Variants in CACNB2 observed in about 807,000 individuals in gnomAD.
The protein encoded by CACNB2 is voltage-dependent L-type calcium channel subunit beta-2.
In CACNB2, 42 loss-of-function variants were observed where a neutral mutation model predicts 73.3. The ratio of observed to expected loss-of-function variants is 0.57; its 90% CI spans 0.45 to 0.74. The LOEUF (loss-of-function observed/expected upper bound fraction) is 0.74, where lower values mean the gene tolerates loss of function less well. CACNB2 is among the 30% of genes least tolerant of loss of function. CACNB2 has a pLI of 0.00. For missense variants in CACNB2, 940 were observed against 853.0 expected (o/e 1.10, Z -1.27); for synonymous variants, 348 against 310.3 (o/e 1.12, Z -1.28).
chr10:18,376,106 CAGATGAATGGATAAAG>C (rs1289859457), intron 2 of CACNB2, among the ~76,000 whole-genome samples: 1 of 152,060 alleles, frequency 6.6e-6, no homozygotes, highest in Admixed American at 6.5e-5. Flanking sequence ...TGTCCATCAG[CAGATGAATGGATAAAG>C]AAAATGTGGT....
intron 10 of CACNB2, among the ~76,000 whole-genome samples, chr10:18,532,676 C>CAAAAAAAAAAAAAAAAAAAAAAAA (rs1219587375): frequency 6.5e-5 from 6 of 92,564 alleles, no homozygotes; most frequent in African/African-American, 1.7e-4. Flanking sequence ...GACTCTGTCT[C>CAAAAAAAAAAAAAAAAAAAAAAAA]AAAAAAAAAA....
chr10:18,454,399 C>T (rs1447335673), intron 3 of CACNB2, among the ~76,000 whole-genome samples: 1 of 152,182 alleles, frequency 6.6e-6, no homozygotes, highest in African/African-American at 2.4e-5. Flanking sequence ...TTCCTAATCA[C>T]CATCCCTCCC....
At chr10:18,175,407 C>T (rs1016265542) in intron 2 of CACNB2, among the ~76,000 whole-genome samples, 5 of 152,128 alleles carry the variant, frequency 3.3e-5, no homozygotes, top group Non-Finnish European at 5.9e-5. Context: ...AAGACAGATG[C>T]ATGTCAAAGG....
chr10:18,338,696 T>G (rs2041104322), intron 2 of CACNB2, among the ~76,000 whole-genome samples: 1 of 148,948 alleles, frequency 6.7e-6, no homozygotes, highest in Non-Finnish European at 1.5e-5. Flanking sequence ...CTTCCTTCCT[T>G]CCTTCCTGAC....
chr10:18,397,403 T>G (rs1452916590), intron 2 of CACNB2, among the ~76,000 whole-genome samples: 1 of 152,018 alleles, frequency 6.6e-6, no homozygotes, highest in East Asian at 1.9e-4. Context: ...AGACAGAGGT[T>G]ACAGTGAGGC....
intron 2 of CACNB2, chr10:18,262,099 T>G (rs959933241): frequency 4.0e-6 from 2 of 498,748 alleles, no homozygotes; most frequent in Admixed American, 2.1e-5. Flanking sequence ...CTGGGCAAAC[T>G]GCAGTGCTGA....
At chr10:18,507,167 C>T (rs2050535634) in intron 6 of CACNB2, among the ~76,000 whole-genome samples, 1 of 152,082 alleles carries the variant, frequency 6.6e-6, no homozygotes, top group African/African-American at 2.4e-5. Flanking sequence ...GAATACTTGC[C>T]AACAACCATA....
intron 2 of CACNB2, among the ~76,000 whole-genome samples, chr10:18,335,784 A>AACACACACACAC (rs10545839): frequency 8.1e-4 from 116 of 144,074 alleles, no homozygotes; most frequent in East Asian, 2.5e-3. Flanking sequence ...ACAGCAAGAA[A>AACACACACACAC]ACACACACAC....
chr10:18,357,908 G>A lies in CACNB2; in HGVS notation c.214-44016G>A, dbSNP rs80000178. On this transcript the variant is annotated intron_variant, in intron 2 of 13. Coordinates refer to ENST00000324631, the MANE Select transcript of CACNB2 (RefSeq NM_201596.3). ...CTTTTGGGGACCCATTAGTTTAGAC[G>A]ATAAACTCCTTAAGCTCCTCCTGCA... 8.9e-3 allele frequency among the ~76,000 whole-genome samples: 1,353 copies of A among 152,178 alleles called. 30 individuals carry two copies. The highest frequency in any genetic ancestry group is 0.028 in the African/African-American group (1,168 of 41,490).
At chr10:18,485,505 A>AT (rs1324789153) in intron 3 of CACNB2, among the ~76,000 whole-genome samples, 1 of 152,018 alleles carries the variant, frequency 6.6e-6, no homozygotes, top group Non-Finnish European at 1.5e-5. Flanking sequence ...AAGTGGATAA[A>AT]AAAAACGGAT....
In CACNB2 at chr10:18,314,470, T is replaced by G. The variant is rs545534616; in HGVS notation, c.214-87454T>G. Reference sequence around the variant, plus strand: ...TTTGTTACATCAGTAAATATCAGGGTTTTTTTTTTCTGTTTTTCCTCCTTC... The same window carrying G: ...TTTGTTACATCAGTAAATATCAGGGGTTTTTTTTTCTGTTTTTCCTCCTTC... On this transcript the variant is annotated intron_variant, in intron 2 of 13. Coordinates refer to ENST00000324631, the MANE Select transcript of CACNB2 (RefSeq NM_201596.3). Among the ~76,000 whole-genome samples the G allele has an allele frequency of 2.9e-4, 42 of 147,136 alleles. No homozygotes were observed. In the East Asian group the frequency reaches 4.9e-3, roughly 17 times the overall value.
chr10:18,462,866 C>T (rs1332612313), intron 3 of CACNB2, among the ~76,000 whole-genome samples: 1 of 152,104 alleles, frequency 6.6e-6, no homozygotes, highest in Admixed American at 6.6e-5. Flanking sequence ...TCAAGAGATT[C>T]TCCTGCCTCA....
At chr10:18,364,241 G>GT (rs2042257115) in intron 2 of CACNB2, among the ~76,000 whole-genome samples, 2 of 131,456 alleles carry the variant, frequency 1.5e-5, no homozygotes, top group Non-Finnish European at 3.3e-5. Context: ...GGCATGAGCC[G>GT]CGGTGCCTGC....
At chr10:18,367,914 T>A (rs1214938270) in intron 2 of CACNB2, among the ~76,000 whole-genome samples, 3 of 152,206 alleles carry the variant, frequency 2.0e-5, no homozygotes, top group African/African-American at 7.2e-5. Context: ...GACTTAAGAA[T>A]TCTAAGTTTG....
intron 2 of CACNB2, among the ~76,000 whole-genome samples, chr10:18,207,824 T>C (rs904839945): frequency 3.3e-5 from 5 of 152,212 alleles, no homozygotes; most frequent in African/African-American, 1.2e-4. Flanking sequence ...ATACTATATA[T>C]ATAGTTTCTA....
Position 18,489,691 on chromosome 10 carries a change from C to T in CACNB2, c.334-8664C>T, listed in dbSNP as rs77962573. On this transcript the variant is annotated intron_variant, in intron 3 of 13. Coordinates refer to ENST00000324631, the MANE Select transcript of CACNB2 (RefSeq NM_201596.3). ...TACAGCACATTGTTTGTCCCTTGGC[C>T]GACATTCCGAAAGTGGTAGCTTTCA... Among the ~76,000 whole-genome samples, 452 of 152,158 alleles carry T rather than the reference C, an allele frequency of 3.0e-3. 1 individual carries two copies. Among genetic ancestry groups the T allele is most frequent in the African/African-American group, 0.01 (423 of 41,534 alleles).
At chr10:18,246,100 A>T (rs1208389982) in intron 2 of CACNB2, among the ~76,000 whole-genome samples, 1 of 152,100 alleles carries the variant, frequency 6.6e-6, no homozygotes, top group South Asian at 2.1e-4. Flanking sequence ...CAGATGAAAG[A>T]CTGTGTGTCT....
chr10:18,502,873 T>C (rs1310261945), intron 5 of CACNB2, among the ~76,000 whole-genome samples: 1 of 151,984 alleles, frequency 6.6e-6, no homozygotes, highest in Non-Finnish European at 1.5e-5. Context: ...GTTCATTATC[T>C]GGGTGACAAA....
chr10:18,140,644 C>T lies in CACNB2; in HGVS notation c.-93C>T, dbSNP rs1412433517. The T allele has an allele frequency of 1.7e-6, 2 of 1,184,042 alleles. No individual in the cohort carries two copies. Among genetic ancestry groups the T allele is most frequent in the Non-Finnish European group, 2.4e-6 (2 of 822,176 alleles). The allele number at this position is 1,184,042 out of a possible 1,614,324, so 73.3% of individuals were successfully genotyped here. A position where few individuals can be genotyped will look rare whatever the true frequency, so the allele number is the denominator to read the frequency against. On this transcript the variant is annotated 5_prime_UTR_variant, in exon 1 of 14. Transcript: ENST00000324631. ...GCCGGGCCTGAGCCCTGGGCGGCCC[C>T]CAGAGCCGATCAGAGCGCGGGGAGG... is the stretch of plus-strand genomic sequence containing the variant.
Sources: gnomAD v4.1 joint callset for allele counts (sites outside exome capture counted in the v4.1 genomes callset) on GRCh38, gnomAD v4.1.1 for gene constraint, MANE v1.5 for transcripts, NCBI Gene and HGNC (gene_info 2026-07-23, HGNC 2026-07-21) for gene names.